The following ADGRB3 variants were observed in gnomAD, a reference collection of about 807,000 sequenced individuals.
ADGRB3 encodes adhesion G protein-coupled receptor B3.
Under a neutral mutation model 193.4 loss-of-function variants are expected in ADGRB3, and 37 were observed. The ratio of observed to expected loss-of-function variants is 0.19; its 90% CI spans 0.15 to 0.25. The LOEUF (loss-of-function observed/expected upper bound fraction) is 0.25. Ranked by LOEUF, ADGRB3 falls within the 10% of genes least tolerant of loss-of-function variation. The probability of loss-of-function intolerance (pLI) is 1.00; values close to 1 mark genes in which losing one functional copy is unlikely to be tolerated. For synonymous variants in ADGRB3, 690 were observed against 644.2 expected (o/e 1.07, Z -1.08); for missense variants, 1,637 against 1,852.9 (o/e 0.88, Z 2.14).
intron 3 of ADGRB3, among the ~76,000 whole-genome samples, chr6:68,731,672 G>A (rs756605369): frequency 6.6e-6 from 1 of 151,334 alleles, no homozygotes; most frequent in Non-Finnish European, 1.5e-5. Context: ...AATGACATAT[G>A]CCTAAACCAA....
chr6:68,646,475 CA>C (rs368034374), intron 3 of ADGRB3, among the ~76,000 whole-genome samples: 2,615 of 107,576 alleles, frequency 0.024, 29 homozygotes, highest in African/African-American at 0.037. Context: ...GAAACTCTGT[CA>C]AAAAAAAAAA....
intron 3 of ADGRB3, among the ~76,000 whole-genome samples, chr6:68,673,749 A>T (rs1029351706): frequency 6.6e-6 from 1 of 151,692 alleles, no homozygotes; most frequent in Non-Finnish European, 1.5e-5. Flanking sequence ...TTTGTTACCC[A>T]TTAGTGAACT....
At chr6:68,889,605 C>T (rs754363580) in intron 3 of ADGRB3, among the ~76,000 whole-genome samples, 4 of 151,700 alleles carry the variant, frequency 2.6e-5, no homozygotes, top group Non-Finnish European at 5.9e-5. Context: ...TGGGTTCACA[C>T]CATTCTCCTG....
intron 3 of ADGRB3, among the ~76,000 whole-genome samples, chr6:68,849,013 A>G (rs567616183): frequency 3.9e-5 from 6 of 152,130 alleles, no homozygotes; most frequent in African/African-American, 9.6e-5. Flanking sequence ...AAGAGTACAT[A>G]TAAGATTGAT....
At chr6:69,250,732 C>T (rs1362721967) in intron 20 of ADGRB3, among the ~76,000 whole-genome samples, 1 of 152,206 alleles carries the variant, frequency 6.6e-6, no homozygotes, top group Admixed American at 6.5e-5. Flanking sequence ...AACTGAAGTA[C>T]TTTAAGCTCA....
At chr6:69,287,520 A>T (rs1012657340) in intron 20 of ADGRB3, among the ~76,000 whole-genome samples, 2 of 152,216 alleles carry the variant, frequency 1.3e-5, no homozygotes, top group East Asian at 3.8e-4. Flanking sequence ...AACAGGCATC[A>T]AACTAGGTAT....
intron 3 of ADGRB3, among the ~76,000 whole-genome samples, chr6:68,760,589 T>C (rs1462804021): frequency 2.0e-5 from 3 of 152,204 alleles, no homozygotes; most frequent in Admixed American, 6.5e-5. Flanking sequence ...TCATCTTGCT[T>C]TTTGTCAGAG....
intron 3 of ADGRB3, among the ~76,000 whole-genome samples, chr6:68,763,935 T>C (rs1448323691): frequency 6.6e-6 from 1 of 151,934 alleles, no homozygotes; most frequent in Non-Finnish European, 1.5e-5. Flanking sequence ...TAACCTGGTG[T>C]GTTGGAGTGT....
chr6:68,925,093 A>G (rs1235202473), intron 3 of ADGRB3, among the ~76,000 whole-genome samples: 3 of 151,914 alleles, frequency 2.0e-5, no homozygotes, highest in African/African-American at 4.8e-5. Context: ...TTTTGATTAT[A>G]TAAACTCCAG....
intron 16 of ADGRB3, among the ~76,000 whole-genome samples, chr6:69,065,764 T>TATACAC (rs1491522866): frequency 7.7e-6 from 1 of 129,210 alleles, no homozygotes; most frequent in Non-Finnish European, 1.7e-5. Flanking sequence ...TGTATATATA[T>TATACAC]ACACACACAC....
chr6:69,355,150 G>A (rs1331582200), intron 27 of ADGRB3, among the ~76,000 whole-genome samples: 1 of 152,100 alleles, frequency 6.6e-6, no homozygotes, highest in Non-Finnish European at 1.5e-5. Context: ...GCATTTGATT[G>A]GAAGACCCTG....
chr6:68,770,792 T>C lies in ADGRB3; in HGVS notation c.757+131360T>C, dbSNP rs1020382993. 2.8e-4 allele frequency among the ~76,000 whole-genome samples: 42 copies of C among 152,246 alleles called. 1 individual carries two copies. The highest frequency in any genetic ancestry group is 9.9e-4 in the African/African-American group (41 of 41,556). The stretch of plus-strand genomic sequence containing the variant: ...CCCATAGATTGTGATCCCTGAGAAT[T>C]GGCACAGATAGTGGCTTCATGAGGA... On this transcript the variant is annotated intron_variant, in intron 3 of 31. Transcript: ENST00000370598.
intron 20 of ADGRB3, among the ~76,000 whole-genome samples, chr6:69,302,872 G>A (rs1019649988): frequency 3.3e-5 from 5 of 151,848 alleles, no homozygotes; most frequent in Admixed American, 6.6e-5. Context: ...ATGACAGAGC[G>A]AATCAAGGAA....
At chr6:69,318,942 TCAC>T (rs1336192541) in intron 20 of ADGRB3, among the ~76,000 whole-genome samples, 1 of 150,990 alleles carries the variant, frequency 6.6e-6, no homozygotes, top group Non-Finnish European at 1.5e-5. Flanking sequence ...TTAAATATCA[TCAC>T]AATGGCCAAG....
At chr6:68,681,347 C>A (rs749546173) in intron 3 of ADGRB3, among the ~76,000 whole-genome samples, 1 of 152,096 alleles carries the variant, frequency 6.6e-6, no homozygotes, top group African/African-American at 2.4e-5. Flanking sequence ...TTTGTAGAGA[C>A]AGCATCTCCC....
At chr6:68,677,052 G>A (rs1192405601) in intron 3 of ADGRB3, among the ~76,000 whole-genome samples, 1 of 152,110 alleles carries the variant, frequency 6.6e-6, no homozygotes, top group Non-Finnish European at 1.5e-5. Flanking sequence ...CCTGTGTAGT[G>A]CACATCTTTT....
intron 3 of ADGRB3, among the ~76,000 whole-genome samples, chr6:68,775,721 A>G (rs1314433601): frequency 6.6e-6 from 1 of 152,120 alleles, no homozygotes; most frequent in Admixed American, 6.6e-5. Context: ...TGACCCAGTC[A>G]CAGGCTTCTT....
chr6:68,941,922 T>TTA (rs144561594), intron 5 of ADGRB3, among the ~76,000 whole-genome samples: 8,137 of 148,102 alleles, frequency 0.055, 584 homozygotes, highest in African/African-American at 0.17. Context: ...AGACTTACTT[T>TTA]TATATATATA....
chr6:69,128,818 G>A (rs1773923899), intron 17 of ADGRB3, among the ~76,000 whole-genome samples: 1 of 152,086 alleles, frequency 6.6e-6, no homozygotes, highest in Non-Finnish European at 1.5e-5. Context: ...TAATTCCCAT[G>A]TTCCTTATAA....
Sources: allele counts gnomAD v4.1 joint callset (sites outside exome capture counted in the v4.1 genomes callset), GRCh38; gene constraint gnomAD v4.1.1; transcripts MANE v1.5; gene names NCBI Gene and HGNC (gene_info 2026-07-23, HGNC 2026-07-21).